Variants in PSD3 observed in about 807,000 individuals in gnomAD.
PSD3 encodes PH and SEC7 domain-containing protein 3.
Under a neutral mutation model 105.5 loss-of-function variants are expected in PSD3, and 49 were observed. That is an observed-to-expected ratio of 0.46 (90% CI 0.37 to 0.59). The LOEUF (loss-of-function observed/expected upper bound fraction) is 0.59. Ranked by LOEUF, PSD3 falls within the 20% of genes least tolerant of loss-of-function variation. The pLI is 0.00. For missense variants in PSD3, 1,561 were observed against 1,263.8 expected (o/e 1.24, Z -3.57); for synonymous variants, 557 against 457.8 (o/e 1.22, Z -2.77).
intron 4 of PSD3, among the ~76,000 whole-genome samples, chr8:18,831,641 G>C (rs2129450436): frequency 6.6e-6 from 1 of 152,288 alleles, no homozygotes; most frequent in South Asian, 2.1e-4. Context: ...AGAATTGCTT[G>C]AACTTGGGAG....
At chr8:18,909,470 A>C (rs75228673) in intron 2 of PSD3, among the ~76,000 whole-genome samples, 6,824 of 152,010 alleles carry the variant, frequency 0.045, 165 homozygotes, top group Middle Eastern at 0.054. Flanking sequence ...TCTTCTTCTT[A>C]TTATTATTAT....
At chr8:18,570,053 A>T (rs1440640964) in intron 14 of PSD3, among the ~76,000 whole-genome samples, 1 of 17,786 alleles carries the variant, frequency 5.6e-5, no homozygotes, top group East Asian at 1.3e-3. Flanking sequence ...TGGAGGCATC[A>T]CACTACCTGA....
chr8:18,858,023 T>G (rs10503639), intron 4 of PSD3, among the ~76,000 whole-genome samples: 1 of 152,172 alleles, frequency 6.6e-6, no homozygotes, highest in East Asian at 1.9e-4. Flanking sequence ...CATGAGAAAC[T>G]TATTTACCTT....
intron 1 of PSD3, among the ~76,000 whole-genome samples, chr8:19,043,608 T>G (rs1179653539): frequency 6.6e-6 from 1 of 152,216 alleles, no homozygotes; most frequent in Non-Finnish European, 1.5e-5. Context: ...TGAAGTTAAA[T>G]TGCCGATGGA....
chr8:18,793,877 T>C (rs1809984961), intron 8 of PSD3, among the ~76,000 whole-genome samples: 1 of 152,220 alleles, frequency 6.6e-6, no homozygotes, highest in Admixed American at 6.5e-5. Flanking sequence ...ATTAACTCTA[T>C]GAGGTTCATC....
In PSD3 at chr8:18,594,333, A is replaced by T. The variant is rs1337493194; in HGVS notation, c.2481+6031T>A. ...TATTATTATATATAATATATATTATAATATATAATATATATTCTATATATT... is the reference window on the plus strand; with the variant it reads ...TATTATTATATATAATATATATTATTATATATAATATATATTCTATATATT... On this transcript the variant is annotated intron_variant, in intron 12 of 15. Transcript: ENST00000327040. Among the ~76,000 whole-genome samples, 5 of 35,790 alleles carry T rather than the reference A, an allele frequency of 1.4e-4. 1 individual carries two copies. The highest frequency in any genetic ancestry group is 2.1e-4 in the African/African-American group (3 of 14,260). 23.5% of individuals were successfully genotyped at this position (35,790 alleles called of 152,430 possible).
intron 5 of PSD3, 49 bp from the exon 6 acceptor site, chr8:18,804,651 A>C (rs1563290655): frequency 6.2e-7 from 1 of 1,611,914 alleles, no homozygotes; most frequent in Non-Finnish European, 8.5e-7. Context: ...AACTATTTAA[A>C]ACACACACAA....
chr8:18,924,158 T>C (rs760250309), intron 2 of PSD3, among the ~76,000 whole-genome samples: 4 of 152,110 alleles, frequency 2.6e-5, no homozygotes, highest in Non-Finnish European at 5.9e-5. Flanking sequence ...TCTAACTTAC[T>C]ATACCAAAAA....
At chr8:18,765,654 C>T (rs926120293) in intron 8 of PSD3, 116 bp from the exon 9 acceptor site, 16 of 866,590 alleles carry the variant, frequency 1.8e-5, no homozygotes, top group East Asian at 7.7e-5. Flanking sequence ...AGGCCAGGTG[C>T]GGTGGCTCAC....
chr8:18,705,225 A>G lies in PSD3; in HGVS notation c.2173-49540T>C, dbSNP rs936028265. Among the ~76,000 whole-genome samples, 4 of 152,188 alleles carry G rather than the reference A, an allele frequency of 2.6e-5. No individual in the cohort carries two copies. The East Asian group carries it at 5.8e-4, about 22-fold the overall frequency. On this transcript the variant is annotated intron_variant, in intron 9 of 15. Coordinates refer to ENST00000327040, the MANE Select transcript of PSD3 (RefSeq NM_015310.4). ...ATAACAAAAAATGAAAACAATAACAATGTCTAAAAATGAGGGACTAGGCCA... is the reference window on the plus strand; with the variant it reads ...ATAACAAAAAATGAAAACAATAACAGTGTCTAAAAATGAGGGACTAGGCCA...
chr8:18,756,587 T>C (rs928438994), intron 9 of PSD3, among the ~76,000 whole-genome samples: 1 of 152,084 alleles, frequency 6.6e-6, no homozygotes, highest in Non-Finnish European at 1.5e-5. Flanking sequence ...ACTGAAACGA[T>C]CCTTACAAGA....
At chr8:18,785,203 T>C (rs950925034) in intron 8 of PSD3, among the ~76,000 whole-genome samples, 2 of 152,210 alleles carry the variant, frequency 1.3e-5, no homozygotes, top group African/African-American at 2.4e-5. Flanking sequence ...GGGGCTTATA[T>C]TGATTGGAAG....
intron 2 of PSD3, among the ~76,000 whole-genome samples, chr8:18,913,078 C>A (rs1207615459): frequency 8.1e-6 from 1 of 122,876 alleles, no homozygotes; most frequent in Admixed American, 9.4e-5. Context: ...AACACACACA[C>A]ACACACAAAC....
intron 11 of PSD3, among the ~76,000 whole-genome samples, chr8:18,616,768 C>A (rs946709815): frequency 1.3e-5 from 2 of 150,330 alleles, no homozygotes; most frequent in South Asian, 2.1e-4. Context: ...GGACTACAGG[C>A]GCCCGCCACC....
intron 12 of PSD3, among the ~76,000 whole-genome samples, chr8:18,576,493 T>C (rs1802470756): frequency 1.3e-5 from 2 of 152,186 alleles, no homozygotes; most frequent in Non-Finnish European, 2.9e-5. Flanking sequence ...TTCCCACTAA[T>C]TCATAAAACT....
intron 11 of PSD3, among the ~76,000 whole-genome samples, chr8:18,601,531 T>G (rs1426044462): frequency 1.3e-5 from 2 of 152,152 alleles, no homozygotes; most frequent in Non-Finnish European, 2.9e-5. Context: ...GAATAGCCAC[T>G]TACAGAACAC....
At chr8:19,029,075 T>C (rs988886990) in intron 1 of PSD3, among the ~76,000 whole-genome samples, 1 of 152,222 alleles carries the variant, frequency 6.6e-6, no homozygotes, top group Non-Finnish European at 1.5e-5. Flanking sequence ...TTTATAGTAA[T>C]ATTGAGATCA....
intron 9 of PSD3, among the ~76,000 whole-genome samples, chr8:18,690,147 C>A (rs111565787): frequency 6.6e-6 from 1 of 152,116 alleles, no homozygotes; most frequent in Non-Finnish European, 1.5e-5. Context: ...TAGAGGCCAG[C>A]TACTCATAAG....
At chr8:19,011,231 T>C (rs1224976619) in intron 1 of PSD3, among the ~76,000 whole-genome samples, 3 of 152,232 alleles carry the variant, frequency 2.0e-5, no homozygotes, top group African/African-American at 4.8e-5. Flanking sequence ...AATATTCACA[T>C]GGTTTTGCCT....
Sources: allele counts gnomAD v4.1 joint callset (sites outside exome capture counted in the v4.1 genomes callset), GRCh38; gene constraint gnomAD v4.1.1; transcripts MANE v1.5; gene names NCBI Gene and HGNC (gene_info 2026-07-23, HGNC 2026-07-21).